Variants in MYO1E observed in about 807,000 individuals in gnomAD.
The protein encoded by MYO1E is myosin IE.
A neutral mutation model predicts 151.1 loss-of-function variants in MYO1E; 68 were observed. The ratio of observed to expected loss-of-function variants is 0.45; its 90% CI spans 0.37 to 0.55. The LOEUF is 0.55. Among genes scored for constraint, MYO1E ranks in the 20% least tolerant of loss-of-function variants. The probability of loss-of-function intolerance (pLI) is 0.00; values close to 1 mark genes in which losing one functional copy is unlikely to be tolerated. For synonymous variants in MYO1E, 601 were observed against 501.7 expected, an observed-to-expected ratio of 1.20 and a Z score of -2.64; for missense variants, 1,363 against 1,389.3, an observed-to-expected ratio of 0.98 and a Z score of 0.30.
At chr15:59,270,120 A>G (rs1163045397) in intron 2 of MYO1E, among the ~76,000 whole-genome samples, 1 of 152,220 alleles carries the variant, frequency 6.6e-6, no homozygotes, top group East Asian at 1.9e-4. Context: ...GAAGTTATAT[A>G]AGTAAATAAT....
intron 17 of MYO1E, among the ~76,000 whole-genome samples, chr15:59,188,957 T>C (rs906438880): frequency 6.6e-6 from 1 of 152,254 alleles, no homozygotes; most frequent in Non-Finnish European, 1.5e-5. Context: ...TAGGCTTTTC[T>C]AATACAAGTT....
intron 9 of MYO1E, among the ~76,000 whole-genome samples, chr15:59,221,610 C>T (rs922221996): frequency 1.3e-5 from 2 of 152,146 alleles, no homozygotes; most frequent in East Asian, 3.9e-4. Flanking sequence ...TTTCCTGGAC[C>T]TCTCTGGCTT....
intron 7 of MYO1E, 94 bp downstream of exon 7, chr15:59,227,365 G>A: frequency 6.7e-7 from 1 of 1,484,716 alleles, no homozygotes; most frequent in Non-Finnish European, 9.3e-7. Context: ...GTCCTCCCTG[G>A]CTTCCTAGAC....
intron 24 of MYO1E, among the ~76,000 whole-genome samples, chr15:59,158,650 G>T (rs1295729078): frequency 6.6e-6 from 1 of 152,186 alleles, no homozygotes; most frequent in African/African-American, 2.4e-5. Flanking sequence ...TCTTACAAAG[G>T]TGTTTCTATT....
chr15:59,289,474 T>C (rs182263898), intron 1 of MYO1E, among the ~76,000 whole-genome samples: 3 of 152,322 alleles, frequency 2.0e-5, no homozygotes, highest in Admixed American at 2.0e-4. Context: ...GTTTTAATAT[T>C]TTCTTTCCAG....
At chr15:59,270,565 G>GAAAAAAGAAAAA (rs2080283610) in intron 2 of MYO1E, among the ~76,000 whole-genome samples, 1 of 139,706 alleles carries the variant, frequency 7.2e-6, no homozygotes, top group Admixed American at 7.1e-5. Context: ...AAAAAGAAAA[G>GAAAAAAGAAAAA]AAAAAAGAAA....
intron 1 of MYO1E, among the ~76,000 whole-genome samples, chr15:59,283,878 T>G (rs1469100404): frequency 1.3e-5 from 2 of 152,242 alleles, no homozygotes; most frequent in African/African-American, 4.8e-5. Context: ...ACTGCTTTAT[T>G]GCATGTTTAC....
chr15:59,289,381 G>A (rs559589257), intron 1 of MYO1E, among the ~76,000 whole-genome samples: 2 of 152,332 alleles, frequency 1.3e-5, no homozygotes, highest in South Asian at 2.1e-4. Flanking sequence ...ACTGCATGAG[G>A]AGACTGGGGT....
chr15:59,211,155 G>C (rs2079876379), intron 12 of MYO1E, among the ~76,000 whole-genome samples: 1 of 149,926 alleles, frequency 6.7e-6, no homozygotes, highest in Non-Finnish European at 1.5e-5. Flanking sequence ...AGCTGAGATT[G>C]TGCCACTGCA....
Position 59,287,950 on chromosome 15 carries a change from T to C in MYO1E, c.4-15501A>G, listed in dbSNP as rs559986089. On this transcript the variant is annotated intron_variant, in intron 1 of 27. Transcript: ENST00000288235. ...AAATGAAAACTTTTAAAGTAGATGA[T>C]AGTCATACAAATACATGACAATCAA... 1.6e-3 allele frequency among the ~76,000 whole-genome samples: 239 copies of C among 152,320 alleles called. 2 individuals carry two copies. The highest frequency in any genetic ancestry group is 5.1e-3 in the African/African-American group (213 of 41,580).
At chr15:59,245,594 A>C (rs1459316970) in intron 4 of MYO1E, among the ~76,000 whole-genome samples, 6 of 152,238 alleles carry the variant, frequency 3.9e-5, no homozygotes, top group Non-Finnish European at 8.8e-5. Flanking sequence ...TACTCACCAG[A>C]AAACAACTGC....
At chr15:59,263,344 C>T (rs1460330637) in intron 2 of MYO1E, among the ~76,000 whole-genome samples, 1 of 152,194 alleles carries the variant, frequency 6.6e-6, no homozygotes, top group Non-Finnish European at 1.5e-5. Flanking sequence ...GCACTGTGAG[C>T]ACAGCACATA....
chr15:59,144,836 A>T (rs2079431908), intron 26 of MYO1E, among the ~76,000 whole-genome samples: 1 of 151,444 alleles, frequency 6.6e-6, no homozygotes, highest in Non-Finnish European at 1.5e-5. Context: ...TAATGAGAAG[A>T]AAGAATGACT....
chr15:59,208,778 T>C lies in MYO1E; in HGVS notation c.1433A>G (p.Asp478Gly). Residue 478 changes from aspartate (D) to glycine (G), a missense_variant, in exon 14 of 28, where the codon GAT (aspartate) becomes GGT (glycine). Asp to Gly is a moderately conservative substitution (Grantham distance 94). Coordinates refer to ENST00000288235, the MANE Select transcript of MYO1E (RefSeq NM_004998.4). ...CTGAAGTTTCTGGAGCAGCGTCTGATCTGCCCCCTCACCCACCGCATGCAT... is the reference window on the plus strand; with the variant it reads ...CTGAAGTTTCTGGAGCAGCGTCTGACCTGCCCCCTCACCCACCGCATGCAT... ...ATMHAVGEGA[D>G]QTLLQKLQMQ... 6.2e-7 allele frequency: 1 copy of C among 1,614,214 alleles called. No individual in the cohort carries two copies. The highest frequency in any genetic ancestry group is 8.5e-7 in the Non-Finnish European group (1 of 1,180,026).
At chr15:59,266,583 C>T (rs992842031) in intron 2 of MYO1E, 6 of 151,810 alleles carry the variant, frequency 4.0e-5, no homozygotes, top group Admixed American at 2.0e-4. Context: ...GTCCTTCCTA[C>T]GTTTTTGGTG....
chr15:59,205,519 G>A, intron 14 of MYO1E, 34 bp from the exon 15 acceptor site: 1 of 1,547,222 alleles, frequency 6.5e-7, no homozygotes, highest in Non-Finnish European at 8.9e-7. Context: ...GAATTTCATT[G>A]AACAAAATGT....
intron 10 of MYO1E, among the ~76,000 whole-genome samples, chr15:59,216,029 C>T (rs771193674): frequency 1.4e-4 from 21 of 152,096 alleles, no homozygotes; most frequent in Non-Finnish European, 2.6e-4. Flanking sequence ...CTTTAAATAG[C>T]CACTAAAGTA....
rs544277004 is a variant in MYO1E, at chr15:59,135,956, A to G, written c.*1424T>C. ...TTTGTTAGGGCTGCCGTAACAAACT[A>G]CCACAAACCGAGTGGCTTAAACAGC... On this transcript the variant is annotated 3_prime_UTR_variant, in exon 28 of 28. Transcript: ENST00000288235. 5.3e-4 allele frequency: 81 copies of G among 152,402 alleles called. No homozygotes were observed. Among genetic ancestry groups the G allele is most frequent in the African/African-American group, 1.9e-3 (77 of 41,598 alleles). The allele number at this position is 152,402 out of a possible 1,614,324, so 9.4% of individuals were successfully genotyped here. A position where few individuals can be genotyped will look rare whatever the true frequency, so the allele number is the denominator to read the frequency against.
intron 4 of MYO1E, among the ~76,000 whole-genome samples, chr15:59,246,517 T>C (rs1056605427): frequency 2.6e-5 from 4 of 152,244 alleles, no homozygotes; most frequent in Non-Finnish European, 5.9e-5. Flanking sequence ...ACAGGCTTAC[T>C]GAAAGTCATA....
Sources: allele counts gnomAD v4.1 joint callset (sites outside exome capture counted in the v4.1 genomes callset), GRCh38; gene constraint gnomAD v4.1.1; transcripts MANE v1.5; gene names NCBI Gene and HGNC (gene_info 2026-07-23, HGNC 2026-07-21).